Variants in DGKI observed in about 807,000 individuals in gnomAD.
The protein encoded by DGKI is diacylglycerol kinase iota.
DGKI carries 55 observed loss-of-function variants against 147.5 expected under a neutral mutation model. That is an observed-to-expected ratio of 0.37 (90% CI 0.30 to 0.47). The LOEUF (loss-of-function observed/expected upper bound fraction) is 0.47. DGKI is among the 20% of genes least tolerant of loss of function. The probability of loss-of-function intolerance (pLI) is 1.00; values close to 1 mark genes in which losing one functional copy is unlikely to be tolerated. For missense variants in DGKI, 1,007 were observed against 1,323.8 expected, an observed-to-expected ratio of 0.76 and a Z score of 3.71; for synonymous variants, 469 against 477.1, an observed-to-expected ratio of 0.98 and a Z score of 0.22.
intron 15 of DGKI, among the ~76,000 whole-genome samples, chr7:137,579,594 T>G (rs576232009): frequency 6.6e-6 from 1 of 152,178 alleles, no homozygotes; most frequent in South Asian, 2.1e-4. Context: ...GGTTCCAATA[T>G]CTTATAGTTA....
At chr7:137,391,488 G>A (rs1811364072) in intron 32 of DGKI, 152 bp from the exon 33 acceptor site, 2 of 584,572 alleles carry the variant, frequency 3.4e-6, no homozygotes, top group Admixed American at 3.4e-5. Context: ...TTCACATTTG[G>A]TGTTTTAGAG....
chr7:137,767,847 T>C (rs542606889), intron 1 of DGKI, among the ~76,000 whole-genome samples: 1 of 152,306 alleles, frequency 6.6e-6, no homozygotes, highest in South Asian at 2.1e-4. Flanking sequence ...GATTAGTTAA[T>C]ACATGTCTAA....
At chr7:137,567,950 G>T (rs1818648187) in intron 19 of DGKI, among the ~76,000 whole-genome samples, 1 of 152,106 alleles carries the variant, frequency 6.6e-6, no homozygotes, top group African/African-American at 2.4e-5. Flanking sequence ...AGAGGTTGTA[G>T]GTGGGACAAA....
chr7:137,535,763 A>C (rs1265735195), intron 20 of DGKI, among the ~76,000 whole-genome samples: 2 of 152,148 alleles, frequency 1.3e-5, no homozygotes, highest in Non-Finnish European at 2.9e-5. Flanking sequence ...AGGGGCCCTA[A>C]GTGTATTGCG....
chr7:137,552,590 G>C (rs1045087452), intron 19 of DGKI, 22 bp from the exon 20 acceptor site: 1 of 1,612,416 alleles, frequency 6.2e-7, no homozygotes. Context: ...AGAGTCAAAG[G>C]GGAGCAAGGA....
chr7:137,405,549 G>A (rs1811913123), intron 30 of DGKI, among the ~76,000 whole-genome samples: 1 of 152,238 alleles, frequency 6.6e-6, no homozygotes, highest in Admixed American at 6.5e-5. Flanking sequence ...ATAAGGGAGT[G>A]TGGTAGATTA....
intron 2 of DGKI, among the ~76,000 whole-genome samples, chr7:137,680,664 C>T (rs1823203393): frequency 6.6e-6 from 1 of 152,070 alleles, no homozygotes; most frequent in South Asian, 2.1e-4. Context: ...CCTGTAATCC[C>T]AGCTACTCAG....
intron 9 of DGKI, 23 bp from the exon 10 acceptor site, chr7:137,609,087 T>A: frequency 6.3e-7 from 1 of 1,588,806 alleles, no homozygotes; most frequent in Non-Finnish European, 8.6e-7. Context: ...ATCAGCACTG[T>A]TAGGATACAC....
intron 21 of DGKI, among the ~76,000 whole-genome samples, chr7:137,497,454 G>A (rs1322952206): frequency 6.6e-6 from 1 of 152,076 alleles, no homozygotes; most frequent in Admixed American, 6.5e-5. Context: ...ATACCTAAAG[G>A]AACATAAATC....
chr7:137,670,154 T>G (rs1370755490), intron 3 of DGKI, among the ~76,000 whole-genome samples: 2 of 152,204 alleles, frequency 1.3e-5, no homozygotes, highest in Non-Finnish European at 2.9e-5. Flanking sequence ...TGTTTTCTTT[T>G]GAGTTTAGTG....
chr7:137,433,591 G>T (rs896999006), intron 28 of DGKI, among the ~76,000 whole-genome samples: 1 of 152,168 alleles, frequency 6.6e-6, no homozygotes, highest in African/African-American at 2.4e-5. Flanking sequence ...ATATAACCCA[G>T]ATCATATAAT....
chr7:137,388,603 A>G lies in DGKI; in HGVS notation c.*2617T>C. The G allele has an allele frequency of 6.6e-6, 1 of 152,188 alleles. No homozygotes were observed. Among genetic ancestry groups the G allele is most frequent in the East Asian group, 1.9e-4 (1 of 5,192 alleles). The allele number at this position is 152,188 out of a possible 1,614,324, so 9.4% of individuals were successfully genotyped here. A position where few individuals can be genotyped will look rare whatever the true frequency, so the allele number is the denominator to read the frequency against. On this transcript the variant is annotated 3_prime_UTR_variant, in exon 33 of 33. Transcript: ENST00000614521. ...TACTTAAGCTGAGATGGAAACTCCT[A>G]GACCATAAGGCCTTAGCTCTTTCCA...
chr7:137,526,163 T>C (rs1716502781), intron 20 of DGKI, among the ~76,000 whole-genome samples: 1 of 152,150 alleles, frequency 6.6e-6, no homozygotes, highest in Non-Finnish European at 1.5e-5. Flanking sequence ...GCCATTAGTT[T>C]GCTAAATTTA....
intron 15 of DGKI, among the ~76,000 whole-genome samples, chr7:137,579,454 AAG>A (rs1491339654): frequency 6.6e-6 from 1 of 151,400 alleles, no homozygotes; most frequent in African/African-American, 2.4e-5. Context: ...AAAAAAAAGA[AAG>A]AAAAAAAGGC....
intron 6 of DGKI, among the ~76,000 whole-genome samples, chr7:137,626,557 T>C (rs137933434): frequency 1.3e-3 from 194 of 152,182 alleles, no homozygotes; most frequent in African/African-American, 4.1e-3. Flanking sequence ...CAATATGAAA[T>C]AAGATGGCAC....
intron 28 of DGKI, among the ~76,000 whole-genome samples, chr7:137,423,846 T>C (rs1035657422): frequency 2.0e-5 from 3 of 152,308 alleles, no homozygotes; most frequent in South Asian, 2.1e-4. Flanking sequence ...TTATTGTAAA[T>C]ATAGATTATT....
chr7:137,418,197 A>G (rs1812429595), intron 28 of DGKI, among the ~76,000 whole-genome samples: 1 of 152,232 alleles, frequency 6.6e-6, no homozygotes, highest in African/African-American at 2.4e-5. Context: ...TCCTGTGAGT[A>G]TCACTAACTG....
intron 22 of DGKI, among the ~76,000 whole-genome samples, chr7:137,486,181 C>T (rs971747368): frequency 6.6e-6 from 1 of 152,002 alleles, no homozygotes; most frequent in Non-Finnish European, 1.5e-5. Context: ...AATTTTTCCT[C>T]TTTATTTGTT....
chr7:137,828,551 C>T (rs1031720851), intron 1 of DGKI, among the ~76,000 whole-genome samples: 2 of 152,166 alleles, frequency 1.3e-5, no homozygotes, highest in African/African-American at 4.8e-5. Context: ...TCTAAAGCTT[C>T]TCTCCTTTTC....
Sources: gnomAD v4.1 joint callset for allele counts (sites outside exome capture counted in the v4.1 genomes callset) on GRCh38, gnomAD v4.1.1 for gene constraint, MANE v1.5 for transcripts, NCBI Gene and HGNC (gene_info 2026-07-23, HGNC 2026-07-21) for gene names.